DUSP16: variants seen among roughly 807,000 people sequenced by gnomAD.
DUSP16 encodes dual specificity phosphatase 16, also known as dual specificity protein phosphatase 16.
A neutral mutation model predicts 58.3 loss-of-function variants in DUSP16; 21 were observed. That is an observed-to-expected ratio of 0.36 (90% confidence interval 0.26 to 0.52). The LOEUF (loss-of-function observed/expected upper bound fraction) is 0.52. Ranked by LOEUF, DUSP16 falls within the 20% of genes least tolerant of loss-of-function variation. DUSP16 has a pLI of 0.94. For missense variants in DUSP16, 726 were observed against 819.0 expected (o/e 0.89, Z 1.39); for synonymous variants, 320 against 323.8 (o/e 0.99, Z 0.12).
In DUSP16 at chr12:12,521,263, C is replaced by G; in HGVS notation, c.-165G>C. ...TAAACCCATTTTCAGCAAGAGCCCT[C>G]CAAGTGAATGTCTCTTTCTCTTTCC... On this transcript the variant is annotated 5_prime_UTR_variant, in exon 2 of 7. Coordinates refer to ENST00000298573, the MANE Select transcript of DUSP16 (RefSeq NM_030640.3). 1 of 1,445,228 alleles carries G rather than the reference C, an allele frequency of 6.9e-7. No homozygotes were observed. The highest frequency in any genetic ancestry group is 9.1e-7 in the Non-Finnish European group (1 of 1,103,604). 89.5% of individuals were successfully genotyped at this position (1,445,228 alleles called of 1,614,324 possible).
chr12:12,547,659 A>G (rs1032673005), intron 1 of DUSP16, among the ~76,000 whole-genome samples: 2 of 151,812 alleles, frequency 1.3e-5, no homozygotes, highest in Non-Finnish European at 2.9e-5. Flanking sequence ...AAAAACAAAT[A>G]TTTAAGCCCA....
In DUSP16 at chr12:12,494,550, C is replaced by T. The variant is rs888555047; in HGVS notation, c.531+5969G>A. 2.6e-5 allele frequency among the ~76,000 whole-genome samples: 4 copies of T among 152,040 alleles called. No individual in the cohort carries two copies. The East Asian group carries it at 7.7e-4, about 29-fold the overall frequency. ...TGGCAGTGGAAAACAGGAGTAAAACCAAAGGGAAGGATTCTGAGAAGACTA... is the reference window on the plus strand; with the variant it reads ...TGGCAGTGGAAAACAGGAGTAAAACTAAAGGGAAGGATTCTGAGAAGACTA... On this transcript the variant is annotated intron_variant, in intron 4 of 6. Coordinates refer to ENST00000298573, the MANE Select transcript of DUSP16 (RefSeq NM_030640.3).
At chr12:12,530,646 A>G (rs920475156) in intron 1 of DUSP16, among the ~76,000 whole-genome samples, 1 of 152,212 alleles carries the variant, frequency 6.6e-6, no homozygotes, top group African/African-American at 2.4e-5. Context: ...ACAAAGAGAG[A>G]AACTGTGGTT....
At chr12:12,498,724 C>G (rs1176504986) in intron 4 of DUSP16, among the ~76,000 whole-genome samples, 1 of 152,154 alleles carries the variant, frequency 6.6e-6, no homozygotes, top group African/African-American at 2.4e-5. Flanking sequence ...AATTTATATT[C>G]ACTGCTTTCA....
At chr12:12,528,023 T>C (rs1455248456) in intron 1 of DUSP16, among the ~76,000 whole-genome samples, 1 of 152,168 alleles carries the variant, frequency 6.6e-6, no homozygotes, top group Admixed American at 6.5e-5. Flanking sequence ...TTCACCAAAG[T>C]TTCTGTTCAG....
rs1943540645 is a variant in DUSP16 at position 12,480,340 on chromosome 12, G to A, written c.698C>T (p.Ala233Val). The change falls in exon 6 of 7, where the codon GCA (alanine) becomes GTA (valine). Residue 233 changes from alanine to valine, a missense_variant. Transcript: ENST00000298573. Reference sequence around the variant, plus strand: ...TAGAACACATCCATTGGAGGCTTTTGCTTTCTCTGTATAAGTCAAATGCAA... The same window carrying A: ...TAGAACACATCCATTGGAGGCTTTTACTTTCTCTGTATAAGTCAAATGCAA... The part of the protein sequence containing the change: ...LDKSVDFIEK[A>V]KASNGCVLVH... 2 of 1,613,462 alleles carry A rather than the reference G, an allele frequency of 1.2e-6. No individual in the cohort carries two copies. Among genetic ancestry groups the A allele is most frequent in the Non-Finnish European group, 1.7e-6 (2 of 1,179,784 alleles).
In DUSP16 at chr12:12,486,481, AGTGTGTGTGT is replaced by A. The variant is rs56941943; in HGVS notation, c.691+537_691+546del. On this transcript the variant is annotated intron_variant, in intron 5 of 6. Coordinates refer to ENST00000298573, the MANE Select transcript of DUSP16 (RefSeq NM_030640.3). ...ATTGCCAGGAAAATAACCAAATGAGAGTGTGTGTGTGTGTGTGTGTGTGTGTGTGTGTGTG... is the reference window on the plus strand; with the variant it reads ...ATTGCCAGGAAAATAACCAAATGAGAGTGTGTGTGTGTGTGTGTGTGTGTG... Among the ~76,000 whole-genome samples the A allele has an allele frequency of 3.7e-3, 552 of 147,366 alleles. 4 individuals are homozygous for A. Among genetic ancestry groups the A allele is most frequent in the African/African-American group, 0.012 (483 of 39,738 alleles).
At chr12:12,517,599 TA>T (rs1408701795) in intron 3 of DUSP16, among the ~76,000 whole-genome samples, 5 of 152,344 alleles carry the variant, frequency 3.3e-5, no homozygotes, top group African/African-American at 1.2e-4. Context: ...AAAAATTCAC[TA>T]ACCAAGAGAA....
intron 1 of DUSP16, among the ~76,000 whole-genome samples, chr12:12,547,531 TAAA>T (rs761142479): frequency 4.5e-5 from 3 of 66,656 alleles, no homozygotes; most frequent in African/African-American, 9.8e-5. Context: ...TGAGTAGGCT[TAAA>T]AAAAAAAAAA....
intron 1 of DUSP16, among the ~76,000 whole-genome samples, chr12:12,537,596 A>G (rs1944486412): frequency 6.6e-6 from 1 of 152,246 alleles, no homozygotes; most frequent in South Asian, 2.1e-4. Context: ...AAATGCCAAA[A>G]TATCTAATTT....
intron 1 of DUSP16, among the ~76,000 whole-genome samples, chr12:12,532,144 G>A (rs1033784794): frequency 6.6e-6 from 1 of 151,240 alleles, no homozygotes; most frequent in African/African-American, 2.4e-5. Flanking sequence ...CGGCCTGGGC[G>A]ACAGAGCGAG....
intron 1 of DUSP16, among the ~76,000 whole-genome samples, chr12:12,536,562 T>A (rs1944465950): frequency 6.6e-6 from 1 of 152,050 alleles, no homozygotes; most frequent in Non-Finnish European, 1.5e-5. Context: ...CTGGCCAACA[T>A]GGTGAGACCC....
At chr12:12,505,789 C>T (rs1007632934) in intron 3 of DUSP16, among the ~76,000 whole-genome samples, 5 of 152,136 alleles carry the variant, frequency 3.3e-5, no homozygotes, top group African/African-American at 1.2e-4. Flanking sequence ...AAGAGCCAAA[C>T]AAAACAACAC....
rs1943365518 is a variant in DUSP16 at position 12,473,946 on chromosome 12, A to C, written c.*2887T>G. Among the ~76,000 whole-genome samples the C allele has an allele frequency of 6.6e-6, 1 of 152,214 alleles. No homozygotes were observed. Among genetic ancestry groups the C allele is most frequent in the Non-Finnish European group, 1.5e-5 (1 of 68,038 alleles). On this transcript the variant is annotated 3_prime_UTR_variant, in exon 7 of 7. Transcript: ENST00000298573. The stretch of plus-strand genomic sequence containing the variant: ...GTGTGTTCTGGAATCAGTCAGCTAG[A>C]AAATATTTACCAAGTGTCTTAGGCT...
intron 1 of DUSP16, among the ~76,000 whole-genome samples, chr12:12,536,798 G>A (rs1944470988): frequency 6.6e-6 from 1 of 152,104 alleles, no homozygotes; most frequent in African/African-American, 2.4e-5. Flanking sequence ...AACACTTTGG[G>A]AGGCCGAGGT....
chr12:12,505,567 C>A (rs150140521), intron 3 of DUSP16, among the ~76,000 whole-genome samples: 1 of 152,190 alleles, frequency 6.6e-6, no homozygotes, highest in Non-Finnish European at 1.5e-5. Context: ...GGTCACCCCC[C>A]ACAGAACAAC....
At chr12:12,554,844 G>A (rs968996814) in intron 1 of DUSP16, among the ~76,000 whole-genome samples, 4 of 151,970 alleles carry the variant, frequency 2.6e-5, no homozygotes, top group South Asian at 2.1e-4. Flanking sequence ...TGGTTGGTGG[G>A]TATTATCAAA....
In DUSP16 at chr12:12,477,862, G is replaced by A. The variant is rs145008127; in HGVS notation, c.969C>T (p.Val323=). The A allele has an allele frequency of 5.0e-6, 8 of 1,614,146 alleles. No individual in the cohort carries two copies. In the African/African-American group the frequency reaches 1.1e-4, roughly 22 times the overall value. Residue 323 remains valine (V), a synonymous_variant, in exon 7 of 7, where the codon GTC becomes GTT. Coordinates refer to ENST00000298573, the MANE Select transcript of DUSP16 (RefSeq NM_030640.3). This position sits in a 1 kb window ranked among gnomAD's most constrained non-coding sequence, Gnocchi z 4.1. ...LLHLEKPNEP[V]PAVSEGGQKS... is the part of the protein sequence containing the mutation. ...TCTGTCCACCCTCTGAGACAGCAGG[G>A]ACAGGTTCATTTGGCTTCTCCAGGT... is the stretch of plus-strand genomic sequence containing the variant.
At chr12:12,545,844 T>C (rs984341805) in intron 1 of DUSP16, among the ~76,000 whole-genome samples, 4 of 152,188 alleles carry the variant, frequency 2.6e-5, no homozygotes, top group Admixed American at 2.6e-4. Flanking sequence ...GCCAAAACTA[T>C]ATGACAGCTT....
Sources: gnomAD v4.1 joint callset for allele counts (sites outside exome capture counted in the v4.1 genomes callset) on GRCh38, gnomAD v4.1.1 for gene constraint, Gnocchi (gnomAD v3.1) non-coding constraint, MANE v1.5 for transcripts, NCBI Gene and HGNC (gene_info 2026-07-23, HGNC 2026-07-21) for gene names.